The following TTC7B variants were observed in gnomAD, a reference collection of about 807,000 sequenced individuals.
TTC7B encodes the protein tetratricopeptide repeat domain 7B.
TTC7B carries 28 observed loss-of-function variants against 106.8 expected under a neutral mutation model. The ratio of observed to expected loss-of-function variants is 0.26; its 90% CI spans 0.19 to 0.36. The LOEUF (loss-of-function observed/expected upper bound fraction) is 0.36. Ranked by LOEUF, TTC7B falls within the 10% of genes least tolerant of loss-of-function variation. The pLI is 1.00. For missense variants in TTC7B, 862 were observed against 1,076.4 expected (o/e 0.80, Z 2.79); for synonymous variants, 405 against 430.6 (o/e 0.94, Z 0.74).
intron 9 of TTC7B, among the ~76,000 whole-genome samples, chr14:90,674,679 C>T (rs906464715): frequency 4.6e-5 from 7 of 152,220 alleles, no homozygotes; most frequent in Admixed American, 3.3e-4. Flanking sequence ...AAGAAATAAA[C>T]ATCTTCCATT....
At chr14:90,616,579 A>G (rs1893087140) in intron 16 of TTC7B, among the ~76,000 whole-genome samples, 1 of 152,158 alleles carries the variant, frequency 6.6e-6, no homozygotes, top group Non-Finnish European at 1.5e-5. Flanking sequence ...ATGGCTTTCC[A>G]GGCAGAGCTC....
intron 4 of TTC7B, among the ~76,000 whole-genome samples, chr14:90,730,860 A>G (rs1192704745): frequency 6.6e-6 from 1 of 152,148 alleles, no homozygotes. Flanking sequence ...TAAAGGTTTA[A>G]TTTTTTAGCC....
At chr14:90,712,215 T>C (rs1189984558) in intron 5 of TTC7B, among the ~76,000 whole-genome samples, 1 of 152,224 alleles carries the variant, frequency 6.6e-6, no homozygotes, top group Non-Finnish European at 1.5e-5. Flanking sequence ...GACTGAATGC[T>C]TTCTAAGATC....
rs753540395 is a variant in TTC7B, at chr14:90,657,270, A to G, written c.1245T>C (p.Arg415=). 34 of 1,613,716 alleles carry G rather than the reference A, an allele frequency of 2.1e-5. No individual in the cohort carries two copies. Among genetic ancestry groups the G allele is most frequent in the Non-Finnish European group, 2.7e-5 (32 of 1,179,986 alleles). Residue 415 remains arginine (R), a synonymous_variant, in exon 11 of 20, where the codon CGT becomes CGC. Transcript: ENST00000328459. The surrounding 1 kb of genome is among the most constrained non-coding windows in gnomAD (Gnocchi z 4.2). Reference sequence around the variant, plus strand: ...TACACTCTTTCAGCACCTTCACGGCACGGGCAGACTTGGCAAGAGAAGATT... The same window carrying G: ...TACACTCTTTCAGCACCTTCACGGCGCGGGCAGACTTGGCAAGAGAAGATT... ...LSLMAAGKSA[R]AVKVLKECIR...
intron 17 of TTC7B, among the ~76,000 whole-genome samples, chr14:90,607,259 C>T (rs188149412): frequency 9.5e-4 from 144 of 152,336 alleles, no homozygotes; most frequent in African/African-American, 2.4e-3. Flanking sequence ...GCCTGCACAG[C>T]GGGTGATCCT....
At chr14:90,706,714 T>C (rs2139961491) in intron 5 of TTC7B, among the ~76,000 whole-genome samples, 1 of 152,320 alleles carries the variant, frequency 6.6e-6, no homozygotes, top group East Asian at 1.9e-4. Flanking sequence ...GCTATACGGA[T>C]GTAGGTAAAG....
intron 4 of TTC7B, 135 bp downstream of exon 4, chr14:90,744,657 A>T (rs1889891267): frequency 5.4e-6 from 5 of 926,446 alleles, no homozygotes; most frequent in Non-Finnish European, 8.2e-6. Context: ...CACTCTCCTT[A>T]GCTTTAAGGA....
At chr14:90,771,999 ATATAT>A (rs1472619716) in intron 3 of TTC7B, among the ~76,000 whole-genome samples, 4 of 146,490 alleles carry the variant, frequency 2.7e-5, no homozygotes, top group African/African-American at 7.4e-5. Context: ...TTTATAATAT[ATATAT>A]TATAAATAAA....
At chr14:90,667,647 T>C (rs1886464645) in intron 9 of TTC7B, among the ~76,000 whole-genome samples, 1 of 152,262 alleles carries the variant, frequency 6.6e-6, no homozygotes, top group Admixed American at 6.5e-5. Context: ...TACATGCTAT[T>C]CTTGGTTTTG....
At chr14:90,748,218 T>C (rs2140005135) in intron 3 of TTC7B, among the ~76,000 whole-genome samples, 1 of 152,364 alleles carries the variant, frequency 6.6e-6, no homozygotes, top group Admixed American at 6.5e-5. Context: ...TCTCCTTTTT[T>C]TCTGTCATCT....
chr14:90,814,669 A>G lies in TTC7B; in HGVS notation c.121+1506T>C, dbSNP rs2031078171. Among the ~76,000 whole-genome samples the G allele has an allele frequency of 2.6e-5, 4 of 152,196 alleles. No individual in the cohort carries two copies. The South Asian group carries it at 6.2e-4, about 24-fold the overall frequency. ...ATGCCTACACCGCTGGGAAGCCACAAAGTAGACCCAGGACTGTGCAACTCC... is the reference window on the plus strand; with the variant it reads ...ATGCCTACACCGCTGGGAAGCCACAGAGTAGACCCAGGACTGTGCAACTCC... On this transcript the variant is annotated intron_variant, in intron 1 of 19. Transcript: ENST00000328459.
chr14:90,660,954 C>T (rs1425468159), intron 9 of TTC7B, among the ~76,000 whole-genome samples: 1 of 152,232 alleles, frequency 6.6e-6, no homozygotes, highest in Non-Finnish European at 1.5e-5. Context: ...TGGCTGCGGG[C>T]CTCATCCTAC....
chr14:90,775,920 A>G (rs1312285861), intron 3 of TTC7B, among the ~76,000 whole-genome samples: 1 of 151,368 alleles, frequency 6.6e-6, no homozygotes, highest in Admixed American at 6.6e-5. Context: ...AAAATTTTAA[A>G]TTTTAAAATT....
intron 5 of TTC7B, among the ~76,000 whole-genome samples, chr14:90,715,149 T>A (rs1888604941): frequency 6.6e-6 from 1 of 152,218 alleles, no homozygotes; most frequent in Non-Finnish European, 1.5e-5. Context: ...TTTTAGGGTC[T>A]CCTGTTCCCA....
chr14:90,604,091 G>A (rs527783836), intron 17 of TTC7B, among the ~76,000 whole-genome samples: 1 of 152,302 alleles, frequency 6.6e-6, no homozygotes, highest in African/African-American at 2.4e-5. Context: ...ATCTTCAAAG[G>A]CTTACAGGAT....
At chr14:90,736,893 TAAAAA>T (rs58051350) in intron 4 of TTC7B, among the ~76,000 whole-genome samples, 10 of 91,924 alleles carry the variant, frequency 1.1e-4, no homozygotes, top group Non-Finnish European at 1.6e-4. Flanking sequence ...CCATGTCTCT[TAAAAA>T]AAAAAAAAAA....
chr14:90,669,138 T>C (rs1458047885), intron 9 of TTC7B, among the ~76,000 whole-genome samples: 3 of 151,604 alleles, frequency 2.0e-5, no homozygotes, highest in Admixed American at 6.6e-5. Flanking sequence ...CAACAAATGG[T>C]GCTAGGACAA....
At chr14:90,809,058 T>C (rs888285089) in intron 1 of TTC7B, among the ~76,000 whole-genome samples, 3 of 152,192 alleles carry the variant, frequency 2.0e-5, no homozygotes, top group Admixed American at 1.3e-4. Context: ...CCAGGCCCAA[T>C]TGCCATCAGC....
At chr14:90,780,706 C>T (rs144137710) in intron 3 of TTC7B, 32 bp downstream of exon 3, 21 of 1,601,102 alleles carry the variant, frequency 1.3e-5, no homozygotes, top group East Asian at 1.1e-4. Flanking sequence ...CTCCAGGTCA[C>T]GGGACACTGT....
Sources: allele counts gnomAD v4.1 joint callset (sites outside exome capture counted in the v4.1 genomes callset), GRCh38; gene constraint gnomAD v4.1.1; non-coding constraint Gnocchi (gnomAD v3.1); transcripts MANE v1.5; gene names NCBI Gene and HGNC (gene_info 2026-07-23, HGNC 2026-07-21).